Variants in ATR observed in about 807,000 individuals in gnomAD.
ATR encodes serine/threonine-protein kinase ATR.
A neutral mutation model predicts 305.3 loss-of-function variants in ATR; 142 were observed. The ratio of observed to expected loss-of-function variants is 0.47; its 90% CI spans 0.41 to 0.53. The LOEUF (loss-of-function observed/expected upper bound fraction) is 0.53. Among genes scored for constraint, ATR ranks in the 20% least tolerant of loss-of-function variants. ATR has a pLI of 0.00. For missense variants in ATR, 2,135 were observed against 3,133.1 expected (o/e 0.68, Z 7.60); for synonymous variants, 1,050 against 1,068.1 (o/e 0.98, Z 0.33).
chr3:142,505,572 C>G (rs929641302), intron 28 of ATR, among the ~76,000 whole-genome samples: 4 of 152,124 alleles, frequency 2.6e-5, no homozygotes, highest in African/African-American at 9.7e-5. Flanking sequence ...ACCTCAGGAT[C>G]CTAAAACTGT....
At chr3:142,565,988 A>G (rs1434858003) in intron 3 of ATR, 133 bp downstream of exon 3, 21 of 1,147,804 alleles carry the variant, frequency 1.8e-5, no homozygotes, top group Non-Finnish European at 2.7e-5. Context: ...AACCATTACC[A>G]TTTTGCTCCT....
chr3:142,570,554 T>C (rs895229684), intron 1 of ATR, among the ~76,000 whole-genome samples: 2 of 152,104 alleles, frequency 1.3e-5, no homozygotes, highest in African/African-American at 4.8e-5. Context: ...GCCTGGCTAA[T>C]TTTGTATATT....
Position 142,562,963 on chromosome 3 carries a change from T to G in ATR, c.439A>C (p.Lys147Gln). Reference sequence around the variant, plus strand: ...TCTTCAAAAAGTTGTAATAATTCTTTTGTGAGTACCCCAAAAATAGCAGGA... The same window carrying G: ...TCTTCAAAAAGTTGTAATAATTCTTGTGTGAGTACCCCAAAAATAGCAGGA... ...KSPAIFGVLT[K>Q]ELLQLFEDLV... is the part of the protein sequence containing the mutation. Residue 147 changes from lysine (K) to glutamine (Q), a missense_variant, in exon 4 of 47, where the codon AAA becomes CAA. Lys to Gln is a moderately conservative substitution (Grantham distance 53). Coordinates refer to ENST00000350721, the MANE Select transcript of ATR (RefSeq NM_001184.4). The G allele has an allele frequency of 6.2e-7, 1 of 1,611,302 alleles. No individual in the cohort carries two copies. Among genetic ancestry groups the G allele is most frequent in the Non-Finnish European group, 8.5e-7 (1 of 1,179,304 alleles).
At chr3:142,535,802 G>A (rs147769717) in intron 20 of ATR, among the ~76,000 whole-genome samples, 77 of 152,242 alleles carry the variant, frequency 5.1e-4, no homozygotes, top group African/African-American at 5.5e-4. Context: ...AGGGTGTGCC[G>A]CTGTGGTAGC....
intron 28 of ATR, 152 bp from the exon 29 acceptor site, chr3:142,505,455 G>A (rs914253667): frequency 2.3e-6 from 2 of 884,172 alleles, no homozygotes; most frequent in East Asian, 5.3e-5. Context: ...CAAAGTCACA[G>A]TAAAATTATA....
At chr3:142,531,916 T>TGG (rs2033666562) in intron 21 of ATR, among the ~76,000 whole-genome samples, 1 of 152,108 alleles carries the variant, frequency 6.6e-6, no homozygotes, top group African/African-American at 2.4e-5. Flanking sequence ...CTCCAGCACC[T>TGG]GTTGTTTCCT....
chr3:142,527,069 A>G (rs2033425769), intron 21 of ATR, among the ~76,000 whole-genome samples: 1 of 152,184 alleles, frequency 6.6e-6, no homozygotes, highest in Non-Finnish European at 1.5e-5. Flanking sequence ...GATTACAGGC[A>G]TGAGCCACTA....
In ATR at chr3:142,572,372, C is replaced by CTTTTTTTTTTTTTT. The variant is rs11318957; in HGVS notation, c.60-4232_60-4219dup. 1.8e-4 allele frequency among the ~76,000 whole-genome samples: 10 copies of CTTTTTTTTTTTTTT among 56,814 alleles called. 1 individual carries two copies. The highest frequency in any genetic ancestry group is 2.0e-4 in the African/African-American group (3 of 15,038). 37.3% of individuals were successfully genotyped at this position (56,814 alleles called of 152,430 possible). On this transcript the variant is annotated intron_variant, in intron 1 of 46. Coordinates refer to ENST00000350721, the MANE Select transcript of ATR (RefSeq NM_001184.4). ...GCGTGAGCCACCACGCCCGGCCTGA[C>CTTTTTTTTTTTTTT]TTTTTTTTTTTTTTTTTTTTTTTTT... is the stretch of plus-strand genomic sequence containing the variant.
Position 142,494,663 on chromosome 3 carries a change from C to T in ATR, c.5899-1352G>A, listed in dbSNP as rs2031482592. The stretch of plus-strand genomic sequence containing the variant: ...TTTAATTGGAAGAAAAGCACATAGT[C>T]TGATTTTAGCTGAAGTTTAAAGGGT... On this transcript the variant is annotated intron_variant, in intron 34 of 46. Transcript: ENST00000350721. Among the ~76,000 whole-genome samples the T allele has an allele frequency of 3.9e-5, 6 of 152,290 alleles. No homozygotes were observed. The South Asian group carries it at 1.0e-3, about 26-fold the overall frequency.
rs112373905 is a variant in ATR at position 142,467,935 on chromosome 3, G to A, written c.6686C>T (p.Pro2229Leu). The A allele has an allele frequency of 8.1e-6, 13 of 1,612,172 alleles. No individual in the cohort carries two copies. The highest frequency in any genetic ancestry group is 2.2e-5 in the East Asian group (1 of 44,700). The change falls in exon 39 of 47, where the codon CCG (proline) becomes CTG (leucine). Residue 2229 changes from proline to leucine, a missense_variant and splice_region_variant. Physicochemically the swap from Pro to Leu is moderately conservative, Grantham distance 98. This residue lies in a region of ATR where 462 missense variants were observed against 887.6 expected (regional missense o/e 0.52). Transcript: ENST00000350721. ...TDKLLELCNK[P>L]VDGSSSTLSM... is the part of the protein sequence containing the mutation. ...TAAGCACTAAGATTATGATAGTACCGGTTTATTGCACAATTCTAGAAGCTT... is the reference window on the plus strand; with the variant it reads ...TAAGCACTAAGATTATGATAGTACCAGTTTATTGCACAATTCTAGAAGCTT...
chr3:142,483,007 T>C (rs150446011), intron 36 of ATR, among the ~76,000 whole-genome samples: 10,421 of 146,868 alleles, frequency 0.071, 538 homozygotes, highest in Middle Eastern at 0.18. Context: ...TTTTTCTTTC[T>C]TTCTTTTTTT....
intron 36 of ATR, among the ~76,000 whole-genome samples, chr3:142,476,735 G>C (rs539402160): frequency 3.3e-5 from 5 of 152,270 alleles, no homozygotes; most frequent in African/African-American, 1.2e-4. Flanking sequence ...AGCATGGAAT[G>C]TTCTTCCATT....
chr3:142,512,183 T>G (rs1368449142), intron 27 of ATR, 77 bp downstream of exon 27: 39 of 1,250,430 alleles, frequency 3.1e-5, no homozygotes, highest in Non-Finnish European at 4.4e-5. Flanking sequence ...GCTTAAATTA[T>G]AGAACTGATA....
At chr3:142,533,165 C>T (rs1233672883) in intron 21 of ATR, among the ~76,000 whole-genome samples, 1 of 152,028 alleles carries the variant, frequency 6.6e-6, no homozygotes, top group African/African-American at 2.4e-5. Context: ...CATGGTGGCA[C>T]ACACCTGTAA....
chr3:142,524,938 C>T (rs2033307139), intron 21 of ATR, among the ~76,000 whole-genome samples: 1 of 152,120 alleles, frequency 6.6e-6, no homozygotes, highest in Non-Finnish European at 1.5e-5. Context: ...TATTTTCTTT[C>T]TAGCACAAGT....
Position 142,560,176 on chromosome 3 carries a change from T to A in ATR, c.1541+87A>T, listed in dbSNP as rs1357348951. ...CAGTGAAAAGTTTGTGTTCTAAGGT[T>A]ACATGAGTCAAGTGAATAATGAGTA... On this transcript the variant is annotated intron_variant, in intron 6 of 46. Transcript: ENST00000350721. 9 of 1,324,162 alleles carry A rather than the reference T, an allele frequency of 6.8e-6. 1 individual carries two copies. The Admixed American group carries it at 1.6e-4, about 23-fold the overall frequency. 82.0% of individuals were successfully genotyped at this position (1,324,162 alleles called of 1,614,324 possible).
Position 142,522,738 on chromosome 3 carries a change from T to C in ATR, c.4256A>G (p.Tyr1419Cys), listed in dbSNP as rs937549949. The change falls in exon 23 of 47, where the codon TAT (tyrosine) becomes TGT (cysteine). Residue 1419 changes from tyrosine to cysteine, a missense_variant. By Grantham distance (194) the Tyr-to-Cys change is radical. Transcript: ENST00000350721. ...DNSRAQDSAAYAIQELLSIYD... is the reference protein window; with the variant it reads ...DNSRAQDSAACAIQELLSIYD... ...TATATCCACTCTTACCTGAATGGCA[T>C]AGGCAGCTGAATCTTGAGCTCGGCT... 1 of 1,611,494 alleles carries C rather than the reference T, an allele frequency of 6.2e-7. No individual in the cohort carries two copies. The highest frequency in any genetic ancestry group is 8.5e-7 in the Non-Finnish European group (1 of 1,177,786).
At chr3:142,567,628 TTCAG>T (rs1010034610) in intron 2 of ATR, among the ~76,000 whole-genome samples, 67 of 152,266 alleles carry the variant, frequency 4.4e-4, no homozygotes, top group African/African-American at 1.6e-3. Flanking sequence ...CAATAATTGA[TTCAG>T]TAACTCACAT....
intron 35 of ATR, among the ~76,000 whole-genome samples, chr3:142,492,004 A>G (rs995189234): frequency 6.6e-6 from 1 of 152,066 alleles, no homozygotes; most frequent in Admixed American, 6.5e-5. Context: ...TAATTTTTTA[A>G]TGGATGCTGG....
Sources: allele counts gnomAD v4.1 joint callset (sites outside exome capture counted in the v4.1 genomes callset), GRCh38; gene constraint gnomAD v4.1.1; regional missense constraint gnomAD v4.1.1; transcripts MANE v1.5; gene names NCBI Gene and HGNC (gene_info 2026-07-23, HGNC 2026-07-21).